MANBA: variants seen among roughly 807,000 people sequenced by gnomAD.
The protein encoded by MANBA is beta-mannosidase.
A neutral mutation model predicts 111.1 loss-of-function variants in MANBA; 83 were observed. The ratio of observed to expected loss-of-function variants is 0.75; its 90% CI spans 0.63 to 0.90. The LOEUF (loss-of-function observed/expected upper bound fraction) is 0.90, where lower values mean the gene tolerates loss of function less well. MANBA is among the 40% of genes least tolerant of loss of function. The probability of loss-of-function intolerance (pLI) is 0.00; values close to 1 mark genes in which losing one functional copy is unlikely to be tolerated. For missense variants in MANBA, 1,036 were observed against 1,069.0 expected, an observed-to-expected ratio of 0.97 and a Z score of 0.43; for synonymous variants, 370 against 378.7, an observed-to-expected ratio of 0.98 and a Z score of 0.27.
intron 5 of MANBA, among the ~76,000 whole-genome samples, chr4:102,704,714 T>C (rs566028169): frequency 3.9e-5 from 6 of 152,080 alleles, no homozygotes; most frequent in African/African-American, 1.2e-4. Context: ...CAGTGATAAC[T>C]GCTGTCTTCC....
At chr4:102,677,319 C>G (rs1466760664) in intron 7 of MANBA, among the ~76,000 whole-genome samples, 2 of 152,168 alleles carry the variant, frequency 1.3e-5, no homozygotes, top group Non-Finnish European at 2.9e-5. Context: ...TTAGGGAAAA[C>G]TTGTATCTAC....
intron 1 of MANBA, among the ~76,000 whole-genome samples, chr4:102,750,733 G>A (rs1723759066): frequency 6.6e-6 from 1 of 151,930 alleles, no homozygotes; most frequent in African/African-American, 2.4e-5. Flanking sequence ...TGCAACATAG[G>A]GAGACTCTGT....
intron 7 of MANBA, chr4:102,682,729 A>G (rs539321644): frequency 5.9e-5 from 9 of 152,340 alleles, no homozygotes; most frequent in Non-Finnish European, 1.2e-4. Flanking sequence ...AAGCTATATG[A>G]TGGTGGAGAC....
At chr4:102,711,252 A>C (rs1039858989) in intron 5 of MANBA, among the ~76,000 whole-genome samples, 1 of 152,166 alleles carries the variant, frequency 6.6e-6, no homozygotes, top group Non-Finnish European at 1.5e-5. Context: ...ATACACAAGG[A>C]ACTCAACTGA....
At chr4:102,654,696 ATAAAGGACATCTAC>A (rs1167450990) in intron 12 of MANBA, among the ~76,000 whole-genome samples, 1 of 152,216 alleles carries the variant, frequency 6.6e-6, no homozygotes, top group Non-Finnish European at 1.5e-5. Context: ...CCTTGACCTT[ATAAAGGACATCTAC>A]TAAAAACCTA....
chr4:102,656,784 T>C (rs1323585980), intron 12 of MANBA, among the ~76,000 whole-genome samples: 2 of 152,160 alleles, frequency 1.3e-5, no homozygotes, highest in Non-Finnish European at 2.9e-5. Context: ...ATGGTCAACA[T>C]GGATGAACCC....
chr4:102,685,033 A>T (rs1732149163), intron 7 of MANBA, among the ~76,000 whole-genome samples: 1 of 152,204 alleles, frequency 6.6e-6, no homozygotes, highest in African/African-American at 2.4e-5. Flanking sequence ...ACACTAAAAA[A>T]TACATGCTAT....
chr4:102,643,586 T>C (rs1415204018), intron 13 of MANBA, among the ~76,000 whole-genome samples: 1 of 152,178 alleles, frequency 6.6e-6, no homozygotes, highest in African/African-American at 2.4e-5. Flanking sequence ...TAAAAATTTG[T>C]AGATATTGTA....
rs780735354 is a variant in MANBA at position 102,664,736 on chromosome 4, G to C, written c.1434C>G (p.Ile478Met). 1.6e-5 allele frequency: 26 copies of C among 1,613,280 alleles called. No individual in the cohort carries two copies. The highest frequency in any genetic ancestry group is 1.6e-4 in the Middle Eastern group (1 of 6,084). Residue 478 changes from isoleucine (I) to methionine (M), a missense_variant, in exon 11 of 17, where the codon ATC becomes ATG. By Grantham distance (10) the Ile-to-Met change is conservative. Transcript: ENST00000647097. Reference protein sequence around the residue: ...HISFTDRPIYIKDYVTLYVKN... With the variant: ...HISFTDRPIYMKDYVTLYVKN... ...TCACATAGAGTGTCACATAGTCCTT[G>C]ATGTAGATTGGCCGGTCAGTGAAAC...
At chr4:102,756,013 T>C (rs1449214042) in intron 1 of MANBA, among the ~76,000 whole-genome samples, 1 of 152,226 alleles carries the variant, frequency 6.6e-6, no homozygotes, top group Admixed American at 6.5e-5. Flanking sequence ...GGAACACTTT[T>C]ACACTGTTGG....
chr4:102,662,715 G>A (rs748460902), intron 11 of MANBA: 15 of 155,536 alleles, frequency 9.6e-5, no homozygotes, highest in Non-Finnish European at 2.0e-4. Context: ...CTACAAGAAA[G>A]GTGATGTAGA....
chr4:102,737,544 A>G (rs1723260064), intron 1 of MANBA, among the ~76,000 whole-genome samples: 1 of 151,698 alleles, frequency 6.6e-6, no homozygotes, highest in Non-Finnish European at 1.5e-5. Flanking sequence ...GTGCAGTGGC[A>G]CGATCTCTGC....
chr4:102,689,336 A>C (rs1289651021), intron 7 of MANBA, among the ~76,000 whole-genome samples: 1 of 128,176 alleles, frequency 7.8e-6, no homozygotes. Context: ...GTGACAGAGC[A>C]AGACTCTGTC....
At chr4:102,680,029 A>C (rs1266376639) in intron 7 of MANBA, among the ~76,000 whole-genome samples, 5 of 152,224 alleles carry the variant, frequency 3.3e-5, no homozygotes, top group African/African-American at 1.2e-4. Context: ...TTGCTGTAGA[A>C]CAAGTGTCCA....
chr4:102,635,774 T>A, intron 15 of MANBA, 91 bp downstream of exon 15: 1 of 1,347,750 alleles, frequency 7.4e-7, no homozygotes. Context: ...AATTAATTTC[T>A]CTTTTATTTT....
chr4:102,674,107 TA>T (rs1233637293), intron 7 of MANBA, 37 bp from the exon 8 acceptor site: 2 of 1,489,438 alleles, frequency 1.3e-6, no homozygotes, highest in African/African-American at 2.8e-5. Context: ...ATATCAAATT[TA>T]AACATAAGCA....
chr4:102,680,434 CT>C (rs369379928), intron 7 of MANBA, among the ~76,000 whole-genome samples: 2 of 152,126 alleles, frequency 1.3e-5, no homozygotes, highest in Admixed American at 6.5e-5. Flanking sequence ...TTACATGGTA[CT>C]TCAGAGTTGA....
chr4:102,633,272 G>A (rs906949444), intron 16 of MANBA: 4 of 398,600 alleles, frequency 1.0e-5, no homozygotes, highest in Admixed American at 4.4e-5. Context: ...TCCAGTGAAG[G>A]TCCTAAAGCA....
At chr4:102,674,586 T>C (rs1000729072) in intron 7 of MANBA, among the ~76,000 whole-genome samples, 1 of 152,220 alleles carries the variant, frequency 6.6e-6, no homozygotes, top group African/African-American at 2.4e-5. Context: ...TTAAACTCAA[T>C]GTTTGAGCAC....
Sources: gnomAD v4.1 joint callset for allele counts (sites outside exome capture counted in the v4.1 genomes callset) on GRCh38, gnomAD v4.1.1 for gene constraint, MANE v1.5 for transcripts, NCBI Gene and HGNC (gene_info 2026-07-23, HGNC 2026-07-21) for gene names.